The following TIAM1 variants were observed in gnomAD, a reference collection of about 807,000 sequenced individuals.
The protein encoded by TIAM1 is rho guanine nucleotide exchange factor TIAM1.
A neutral mutation model predicts 163.5 loss-of-function variants in TIAM1; 65 were observed. The ratio of observed to expected loss-of-function variants is 0.40; its 90% CI spans 0.33 to 0.49. TIAM1 has a LOEUF of 0.49. Ranked by LOEUF, TIAM1 falls within the 20% of genes least tolerant of loss-of-function variation. The pLI, the probability that TIAM1 is intolerant of heterozygous loss-of-function variation, is 0.77. For missense variants in TIAM1, 1,789 were observed against 2,044.7 expected (o/e 0.87, Z 2.41); for synonymous variants, 833 against 810.1 (o/e 1.03, Z -0.48).
chr21:31,250,530 A>G (rs2071743986), intron 5 of TIAM1, among the ~76,000 whole-genome samples: 1 of 152,222 alleles, frequency 6.6e-6, no homozygotes, highest in African/African-American at 2.4e-5. Context: ...GCAGAGCTCT[A>G]GGCTGCTCCA....
chr21:31,531,412 G>A (rs1425212647), intron 1 of TIAM1, among the ~76,000 whole-genome samples: 2 of 152,120 alleles, frequency 1.3e-5, no homozygotes, highest in Non-Finnish European at 1.5e-5. Context: ...TGGAAGGAAG[G>A]GCAGAGGTGA....
At chr21:31,144,022 C>T (rs902920679) in intron 20 of TIAM1, among the ~76,000 whole-genome samples, 1 of 152,174 alleles carries the variant, frequency 6.6e-6, no homozygotes, top group Admixed American at 6.5e-5. Context: ...GTGTGAGCCA[C>T]CGCACCCAGC....
intron 2 of TIAM1, among the ~76,000 whole-genome samples, chr21:31,375,500 G>T (rs200669796): frequency 1.3e-5 from 1 of 76,790 alleles, no homozygotes; most frequent in East Asian, 5.0e-4. Context: ...CCACCTTTCT[G>T]TTTTTTCAAC....
chr21:31,182,776 G>T, intron 14 of TIAM1, 131 bp from the exon 15 acceptor site: 1 of 861,402 alleles, frequency 1.2e-6, no homozygotes, highest in Non-Finnish European at 1.7e-6. Flanking sequence ...ACAGGCTGCG[G>T]TGCTCGGGAG....
intron 16 of TIAM1, among the ~76,000 whole-genome samples, chr21:31,161,626 A>T (rs1290860968): frequency 6.6e-6 from 1 of 152,236 alleles, no homozygotes; most frequent in Non-Finnish European, 1.5e-5. Flanking sequence ...GATATCATGT[A>T]AAACAGTCCA....
intron 1 of TIAM1, among the ~76,000 whole-genome samples, chr21:31,514,000 T>A (rs1248524657): frequency 6.6e-6 from 1 of 151,642 alleles, no homozygotes; most frequent in Non-Finnish European, 1.5e-5. Context: ...AGAGCGAAAC[T>A]CCATCTCAAA....
At chr21:31,535,732 G>A (rs1186071321) in intron 1 of TIAM1, among the ~76,000 whole-genome samples, 1 of 133,000 alleles carries the variant, frequency 7.5e-6, no homozygotes, top group Admixed American at 8.3e-5. Flanking sequence ...CTTCCCATGG[G>A]AACAAAAAAG....
At chr21:31,508,604 G>A (rs765676912) in intron 1 of TIAM1, among the ~76,000 whole-genome samples, 11 of 152,028 alleles carry the variant, frequency 7.2e-5, no homozygotes, top group Non-Finnish European at 1.6e-4. Context: ...TTGCCAGGCT[G>A]GTCTCAAACT....
At position 31,213,477 on chromosome 21, in the gene TIAM1, ATATACAAAAG is replaced by A; in HGVS notation, c.2143-15_2143-6del. The stretch of plus-strand genomic sequence containing the variant: ...TTCGGTTCCCTCTCCAAACACCTGC[ATATACAAAAG>A]TACCACCTTAAAAAGGAATCTGGGC... On this transcript the variant is annotated splice_polypyrimidine_tract_variant and splice_region_variant and intron_variant, in intron 9 of 27. Transcript: ENST00000541036. The A allele has an allele frequency of 6.2e-7, 1 of 1,613,920 alleles. No homozygotes were observed. The highest frequency in any genetic ancestry group is 8.5e-7 in the Non-Finnish European group (1 of 1,179,932).
intron 2 of TIAM1, among the ~76,000 whole-genome samples, chr21:31,435,481 G>A (rs2044179172): frequency 6.6e-6 from 1 of 152,158 alleles, no homozygotes; most frequent in African/African-American, 2.4e-5. Flanking sequence ...TTTGAGCCCT[G>A]AATCATTCAT....
chr21:31,161,829 A>G (rs2083937650), intron 16 of TIAM1, among the ~76,000 whole-genome samples: 1 of 152,218 alleles, frequency 6.6e-6, no homozygotes, highest in Non-Finnish European at 1.5e-5. Flanking sequence ...ATTAATTTTC[A>G]GCTTATTCTC....
rs113638986 is a variant in TIAM1, at chr21:31,180,835, G to A, written c.2887+1586C>T. ...TTCAAAAATTTGATTGGGATGTGGGGACCACAATAACATAATGAGTCAAGG... is the reference window on the plus strand; with the variant it reads ...TTCAAAAATTTGATTGGGATGTGGGAACCACAATAACATAATGAGTCAAGG... On this transcript the variant is annotated intron_variant, in intron 15 of 27. Coordinates refer to ENST00000541036, the MANE Select transcript of TIAM1 (RefSeq NM_001353694.2). 8.7e-4 allele frequency among the ~76,000 whole-genome samples: 132 copies of A among 152,366 alleles called. 1 individual carries two copies. Among genetic ancestry groups the A allele is most frequent in the African/African-American group, 3.0e-3 (125 of 41,588 alleles).
chr21:31,346,980 T>C (rs1159115040), upstream of TIAM1, among the ~76,000 whole-genome samples: 1 of 152,140 alleles, frequency 6.6e-6, no homozygotes, highest in Non-Finnish European at 1.5e-5. Flanking sequence ...TGTTACTTAG[T>C]GTTTCTCTAA....
chr21:31,190,577 C>T (rs143839119), intron 13 of TIAM1, among the ~76,000 whole-genome samples: 55 of 152,128 alleles, frequency 3.6e-4, no homozygotes, highest in Middle Eastern at 3.4e-3. Flanking sequence ...GGAGAACACA[C>T]GACTAAAAAA....
chr21:31,457,769 T>C lies in TIAM1; in HGVS notation c.-369+6214A>G, dbSNP rs189825526. ...AGGTGTTTCACTAAGCCAGTGGATC[T>C]CAACCAGGGTAATCTTGTGTCCCCC... On this transcript the variant is annotated intron_variant, in intron 2 of 28. Coordinates refer to the TIAM1 transcript ENST00000286827. Among the ~76,000 whole-genome samples, 16 of 152,346 alleles carry C rather than the reference T, an allele frequency of 1.1e-4. No homozygotes were observed. The East Asian group carries it at 3.1e-3, about 29-fold the overall frequency.
intron 1 of TIAM1, chr21:31,464,148 T>TTTATATATGAGTGAGGAGGCAA (rs2045436221): frequency 6.6e-6 from 1 of 152,044 alleles, no homozygotes; most frequent in Non-Finnish European, 1.5e-5. Flanking sequence ...TTTATAAAAC[T>TTTATATATGAGTGAGGAGGCAA]CTACCAGAGG....
chr21:31,549,768 C>G (rs553732515), intron 1 of TIAM1, among the ~76,000 whole-genome samples: 1 of 152,138 alleles, frequency 6.6e-6, no homozygotes, highest in Non-Finnish European at 1.5e-5. Flanking sequence ...TTCCTCAATA[C>G]GTTAAACATA....
chr21:31,411,343 T>C (rs906105652), intron 2 of TIAM1, among the ~76,000 whole-genome samples: 1 of 152,214 alleles, frequency 6.6e-6, no homozygotes, highest in African/African-American at 2.4e-5. Context: ...GTTAGCAAAC[T>C]TCTTGTAAGA....
At chr21:31,397,644 CT>C (rs1321134233) in intron 2 of TIAM1, among the ~76,000 whole-genome samples, 1 of 152,174 alleles carries the variant, frequency 6.6e-6, no homozygotes, top group African/African-American at 2.4e-5. Context: ...TATGGCCATC[CT>C]TCCTGGCTTG....
Sources: allele counts gnomAD v4.1 joint callset (sites outside exome capture counted in the v4.1 genomes callset), GRCh38; gene constraint gnomAD v4.1.1; transcripts MANE v1.5; gene names NCBI Gene and HGNC (gene_info 2026-07-23, HGNC 2026-07-21).